The following CCDC60 variants were observed in gnomAD, a reference collection of about 807,000 sequenced individuals.
CCDC60 encodes the protein coiled-coil domain containing 60.
A neutral mutation model predicts 63.5 loss-of-function variants in CCDC60; 54 were observed. That is an observed-to-expected ratio of 0.85 (90% CI 0.68 to 1.07). The LOEUF is 1.07. Ranked by LOEUF, CCDC60 falls within the 50% of genes least tolerant of loss-of-function variation. The pLI, the probability that CCDC60 is intolerant of heterozygous loss-of-function variation, is 0.00. For synonymous variants in CCDC60, 206 were observed against 238.8 expected (o/e 0.86, Z 1.27); for missense variants, 651 against 684.3 (o/e 0.95, Z 0.54).
rs557187285 is a variant in CCDC60, at chr12:119,468,348, T to C, written c.171-3646T>C. On this transcript the variant is annotated intron_variant, in intron 2 of 13. Transcript: ENST00000327554. ...GCAAAAGCACCTATAACTGACAATA[T>C]GGCATTACTAAGTGATAACAGGTTA... Among the ~76,000 whole-genome samples the C allele has an allele frequency of 9.9e-4, 150 of 152,256 alleles. 1 individual carries two copies. The highest frequency in any genetic ancestry group is 1.6e-3 in the Admixed American group (24 of 15,292).
At chr12:119,521,469 A>G (rs1952528655) in intron 9 of CCDC60, among the ~76,000 whole-genome samples, 1 of 152,168 alleles carries the variant, frequency 6.6e-6, no homozygotes, top group Admixed American at 6.5e-5. Flanking sequence ...ACTGAGTCTG[A>G]TGTTTAAGCT....
At chr12:119,355,781 G>A (rs1955711188) in intron 1 of CCDC60, among the ~76,000 whole-genome samples, 1 of 152,226 alleles carries the variant, frequency 6.6e-6, no homozygotes, top group African/African-American at 2.4e-5. Flanking sequence ...AAATTAAGGG[G>A]CAGAATATGT....
intron 1 of CCDC60, among the ~76,000 whole-genome samples, chr12:119,376,641 A>T (rs1955953901): frequency 6.6e-6 from 1 of 152,128 alleles, no homozygotes; most frequent in Non-Finnish European, 1.5e-5. Context: ...AAAATAAAAT[A>T]AAATAAAATA....
chr12:119,337,247 G>A (rs929771473), intron 1 of CCDC60, among the ~76,000 whole-genome samples: 4 of 152,144 alleles, frequency 2.6e-5, no homozygotes, highest in Non-Finnish European at 4.4e-5. Context: ...AGAGCAGCCC[G>A]CTCTGGGACT....
intron 2 of CCDC60, among the ~76,000 whole-genome samples, chr12:119,458,447 A>T (rs1950788957): frequency 6.6e-6 from 1 of 151,892 alleles, no homozygotes; most frequent in Admixed American, 6.6e-5. Context: ...ATTTTTTTTT[A>T]AGTACATCTG....
In CCDC60 at chr12:119,511,830, G is replaced by A. The variant is rs1008086628; in HGVS notation, c.884-4793G>A. On this transcript the variant is annotated intron_variant, in intron 7 of 13. Transcript: ENST00000327554. ...AGGAGTGGTAGAGCAGTCAGATGTT[G>A]CTGCTTGGTTCTAAAGAGAAGGGAA... 2.6e-5 allele frequency among the ~76,000 whole-genome samples: 4 copies of A among 152,308 alleles called. No homozygotes were observed. In the South Asian group the frequency reaches 8.3e-4, roughly 32 times the overall value.
At chr12:119,386,913 G>C (rs1010085100) in intron 1 of CCDC60, among the ~76,000 whole-genome samples, 3 of 152,076 alleles carry the variant, frequency 2.0e-5, no homozygotes, top group Non-Finnish European at 4.4e-5. Flanking sequence ...GGAAAACACA[G>C]GGTGGATATT....
At chr12:119,409,404 T>G (rs1157356899) in intron 1 of CCDC60, among the ~76,000 whole-genome samples, 1 of 151,986 alleles carries the variant, frequency 6.6e-6, no homozygotes, top group Non-Finnish European at 1.5e-5. Context: ...CCCCAGCAAG[T>G]TGTGACAGCC....
intron 2 of CCDC60, among the ~76,000 whole-genome samples, chr12:119,452,498 A>G (rs1950652723): frequency 1.3e-5 from 2 of 152,208 alleles, no homozygotes; most frequent in African/African-American, 4.8e-5. Flanking sequence ...GCATTGATCA[A>G]ATCACTGAAC....
rs573090348 is a variant in CCDC60, at chr12:119,409,190, C to A, written c.91-19493C>A. Among the ~76,000 whole-genome samples, 12 of 152,230 alleles carry A rather than the reference C, an allele frequency of 7.9e-5. No homozygotes were observed. The East Asian group carries it at 2.3e-3, about 29-fold the overall frequency. ...AAAGCAAAACCTAGATCCTGATCAT[C>A]GCCAACCTGGGTGCTGGGTGCCCCG... On this transcript the variant is annotated intron_variant, in intron 1 of 13. Coordinates refer to ENST00000327554, the MANE Select transcript of CCDC60 (RefSeq NM_178499.5).
At chr12:119,422,493 C>T (rs1956830673) in intron 1 of CCDC60, among the ~76,000 whole-genome samples, 1 of 152,190 alleles carries the variant, frequency 6.6e-6, no homozygotes, top group South Asian at 2.1e-4. Context: ...TTACTCATGG[C>T]AGAAGGCAAA....
At chr12:119,446,339 A>G (rs1950541651) in intron 2 of CCDC60, among the ~76,000 whole-genome samples, 1 of 152,160 alleles carries the variant, frequency 6.6e-6, no homozygotes, top group Non-Finnish European at 1.5e-5. Context: ...ACACAAGCAC[A>G]AGGATTGGGT....
At chr12:119,537,312 A>T (rs575661814) in intron 13 of CCDC60, among the ~76,000 whole-genome samples, 3 of 152,180 alleles carry the variant, frequency 2.0e-5, no homozygotes, top group African/African-American at 7.2e-5. Context: ...CCATTCGTCT[A>T]ATCTTTTTTC....
intron 13 of CCDC60, among the ~76,000 whole-genome samples, chr12:119,535,220 C>T (rs954513612): frequency 2.0e-5 from 3 of 152,120 alleles, no homozygotes; most frequent in Admixed American, 6.5e-5. Flanking sequence ...TTATGGTATT[C>T]TCTGATGGTA....
At chr12:119,441,565 A>G (rs1300839711) in intron 2 of CCDC60, among the ~76,000 whole-genome samples, 1 of 152,176 alleles carries the variant, frequency 6.6e-6, no homozygotes, top group Non-Finnish European at 1.5e-5. Flanking sequence ...CTAACACCCC[A>G]AAGAAAATCA....
At chr12:119,478,536 T>C (rs1951229469) in intron 3 of CCDC60, among the ~76,000 whole-genome samples, 1 of 151,876 alleles carries the variant, frequency 6.6e-6, no homozygotes, top group African/African-American at 2.4e-5. Flanking sequence ...TATACTAGTA[T>C]GCCGCATGAT....
intron 1 of CCDC60, among the ~76,000 whole-genome samples, chr12:119,398,434 C>T (rs549389816): frequency 9.7e-4 from 147 of 152,258 alleles, no homozygotes; most frequent in African/African-American, 3.3e-3. Flanking sequence ...CACGCCTCCC[C>T]GCAAGCAGAG....
chr12:119,539,383 C>T (rs1953094209), intron 13 of CCDC60, among the ~76,000 whole-genome samples: 2 of 152,188 alleles, frequency 1.3e-5, no homozygotes, highest in African/African-American at 2.4e-5. Flanking sequence ...TCAGAGATGC[C>T]CTGCCCAGAA....
chr12:119,496,196 C>T (rs1480318539), intron 5 of CCDC60, among the ~76,000 whole-genome samples: 1 of 152,198 alleles, frequency 6.6e-6, no homozygotes, highest in African/African-American at 2.4e-5. Context: ...CCGTCATGGA[C>T]ATATGAGCAC....
Sources: allele counts gnomAD v4.1 joint callset (sites outside exome capture counted in the v4.1 genomes callset), GRCh38; gene constraint gnomAD v4.1.1; transcripts MANE v1.5; gene names NCBI Gene and HGNC (gene_info 2026-07-23, HGNC 2026-07-21).